The following GXYLT2 variants were observed in gnomAD, a reference collection of about 807,000 sequenced individuals.
GXYLT2 encodes the protein glycosyltransferase 8 domain containing 4.
A neutral mutation model predicts 45.8 loss-of-function variants in GXYLT2; 53 were observed. That is an observed-to-expected ratio of 1.16 (90% CI 0.93 to 1.46). The LOEUF is 1.46. Among genes scored for constraint, GXYLT2 ranks in the 40% most tolerant of loss-of-function variants. The pLI is 0.00. For synonymous variants in GXYLT2, 219 were observed against 214.2 expected, an observed-to-expected ratio of 1.02 and a Z score of -0.19; for missense variants, 551 against 544.4, an observed-to-expected ratio of 1.01 and a Z score of -0.12.
chr3:72,922,055 C>A, intron 2 of GXYLT2, 149 bp from the exon 3 acceptor site: 1 of 667,416 alleles, frequency 1.5e-6, no homozygotes, highest in Non-Finnish European at 2.6e-6. Flanking sequence ...AATACTCTTT[C>A]ATTTAGTGAA....
rs1012688385 is a variant in GXYLT2 at position 72,908,431 on chromosome 3, G to A, written c.340G>A (p.Val114Met). 1 of 1,613,954 alleles carries A rather than the reference G, an allele frequency of 6.2e-7. No homozygotes were observed. Among genetic ancestry groups the A allele is most frequent in the Non-Finnish European group, 8.5e-7 (1 of 1,179,872 alleles). ...ACCCGAGCTCTGGATCCACCTGGCT[G>A]TGGTGGCCTGTGGCAATCGGCTGGA... is the stretch of plus-strand genomic sequence containing the variant. ...LPPELWIHLA[V>M]VACGNRLEET... The change falls in exon 2 of 7, where the codon GTG becomes ATG. Residue 114 changes from valine (V) to methionine (M), a missense_variant. Val to Met is a conservative substitution (Grantham distance 21). Transcript: ENST00000389617.
At chr3:72,907,823 G>A (rs7620967) in intron 1 of GXYLT2, among the ~76,000 whole-genome samples, 28,409 of 151,924 alleles carry the variant, frequency 0.19, 4,126 homozygotes, top group African/African-American at 0.41. Flanking sequence ...TCGTCAGGGC[G>A]CATATGTTGT....
intron 2 of GXYLT2, among the ~76,000 whole-genome samples, chr3:72,910,670 T>G (rs1709599524): frequency 6.6e-6 from 1 of 152,234 alleles, no homozygotes; most frequent in Admixed American, 6.5e-5. Flanking sequence ...TTAGCTACAC[T>G]TGCCAGAGCA....
At chr3:72,889,379 C>T (rs1242011364) in intron 1 of GXYLT2, among the ~76,000 whole-genome samples, 1 of 152,138 alleles carries the variant, frequency 6.6e-6, no homozygotes, top group African/African-American at 2.4e-5. Flanking sequence ...TGCTGGGCTC[C>T]TTAATTTCAA....
intron 3 of GXYLT2, among the ~76,000 whole-genome samples, chr3:72,948,986 G>A (rs1168144699): frequency 6.6e-6 from 1 of 152,178 alleles, no homozygotes; most frequent in East Asian, 1.9e-4. Context: ...AGGAAGCAGA[G>A]AAGGAGAGAA....
chr3:72,897,380 T>C (rs1314969543), intron 1 of GXYLT2, among the ~76,000 whole-genome samples: 2 of 152,358 alleles, frequency 1.3e-5, no homozygotes, highest in East Asian at 3.9e-4. Flanking sequence ...CCAATAGGTC[T>C]GGGTGTGCAA....
intron 5 of GXYLT2, among the ~76,000 whole-genome samples, chr3:72,964,322 T>TTTTC (rs1710820788): frequency 6.6e-6 from 1 of 151,978 alleles, no homozygotes; most frequent in African/African-American, 2.4e-5. Context: ...TCTCTCTTTT[T>TTTTC]TTTTCTTTTC....
chr3:72,903,336 A>G (rs73094989), intron 1 of GXYLT2, among the ~76,000 whole-genome samples: 2,311 of 152,298 alleles, frequency 0.015, 36 homozygotes, highest in Middle Eastern at 0.024. Flanking sequence ...GCTTTCCTTT[A>G]GAACTTGGGT....
At chr3:72,903,028 C>CA (rs530951095) in intron 1 of GXYLT2, among the ~76,000 whole-genome samples, 32 of 152,000 alleles carry the variant, frequency 2.1e-4, no homozygotes, top group African/African-American at 7.2e-4. Flanking sequence ...CAAAACAAAA[C>CA]AAAAAATAAT....
intron 2 of GXYLT2, among the ~76,000 whole-genome samples, chr3:72,920,801 T>C (rs7620722): frequency 0.03 from 4,346 of 145,568 alleles, 206 homozygotes; most frequent in African/African-American, 0.11. Context: ...TGTACATGCA[T>C]ATATATATAT....
chr3:72,954,399 C>CTGTG (rs3078688), intron 3 of GXYLT2, among the ~76,000 whole-genome samples: 2,372 of 133,764 alleles, frequency 0.018, 29 homozygotes, highest in African/African-American at 0.025. Flanking sequence ...TGCTCCCAGC[C>CTGTG]TGTGTGTGTG....
At chr3:72,940,981 A>G (rs1049291256) in intron 3 of GXYLT2, among the ~76,000 whole-genome samples, 1 of 152,130 alleles carries the variant, frequency 6.6e-6, no homozygotes. Flanking sequence ...CACTGGCCCA[A>G]TTTTTAAAAA....
Position 72,912,009 on chromosome 3 carries a change from A to ATTTTTT in GXYLT2, c.468+3451_468+3452insTTTTTT, listed in dbSNP as rs1335193184. 1.0e-3 allele frequency among the ~76,000 whole-genome samples: 122 copies of ATTTTTT among 121,948 alleles called. 1 individual carries two copies. The highest frequency in any genetic ancestry group is 5.0e-3 in the African/African-American group (110 of 21,980). The allele number at this position is 121,948 out of a possible 152,430, so 80.0% of individuals were successfully genotyped here. A position where few individuals can be genotyped will look rare whatever the true frequency, so the allele number is the denominator to read the frequency against. On this transcript the variant is annotated intron_variant, in intron 2 of 6. Transcript: ENST00000389617. ...TGTGTGTGTGTATATATATATATAT[A>ATTTTTT]TATATTTTTTTTTTTTTTTGAGACA...
chr3:72,941,573 T>A (rs1710299049), intron 3 of GXYLT2, among the ~76,000 whole-genome samples: 2 of 152,118 alleles, frequency 1.3e-5, no homozygotes, highest in African/African-American at 4.8e-5. Context: ...AAATCACACC[T>A]AGTAATCTTA....
chr3:72,949,987 A>G (rs1015043608), intron 3 of GXYLT2, among the ~76,000 whole-genome samples: 2 of 152,036 alleles, frequency 1.3e-5, no homozygotes, highest in Non-Finnish European at 2.9e-5. Context: ...TCATCCTGGC[A>G]GCATTATGAA....
chr3:72,934,449 T>C (rs1396430883), intron 3 of GXYLT2, among the ~76,000 whole-genome samples: 1 of 152,062 alleles, frequency 6.6e-6, no homozygotes, highest in Non-Finnish European at 1.5e-5. Flanking sequence ...TTTACCAACC[T>C]TGACTTGAGA....
chr3:72,895,342 T>TTAG (rs1205239138), intron 1 of GXYLT2, among the ~76,000 whole-genome samples: 2 of 152,156 alleles, frequency 1.3e-5, no homozygotes, highest in African/African-American at 4.8e-5. Flanking sequence ...GTCTCAACCT[T>TTAG]TTCTAGATTC....
chr3:72,890,707 A>G (rs934994044), intron 1 of GXYLT2, among the ~76,000 whole-genome samples: 10 of 152,252 alleles, frequency 6.6e-5, no homozygotes, highest in African/African-American at 2.4e-4. Flanking sequence ...CTATCTGAAC[A>G]AAGTGTCTCT....
At chr3:72,957,765 G>T (rs1485578720) in intron 5 of GXYLT2, among the ~76,000 whole-genome samples, 2 of 152,006 alleles carry the variant, frequency 1.3e-5, no homozygotes, top group Non-Finnish European at 2.9e-5. Context: ...ACATATTCAG[G>T]GTCAAAACAT....
Sources: gnomAD v4.1 joint callset for allele counts (sites outside exome capture counted in the v4.1 genomes callset) on GRCh38, gnomAD v4.1.1 for gene constraint, MANE v1.5 for transcripts, NCBI Gene and HGNC (gene_info 2026-07-23, HGNC 2026-07-21) for gene names.